Variants in SLC44A5 observed in about 807,000 individuals in gnomAD.
SLC44A5 encodes solute carrier family 44 member 5, also known as choline transporter-like protein 5.
SLC44A5 carries 57 observed loss-of-function variants against 101.8 expected under a neutral mutation model. That is an observed-to-expected ratio of 0.56 (90% confidence interval 0.45 to 0.70). SLC44A5 has a LOEUF of 0.70. Ranked by LOEUF, SLC44A5 falls within the 30% of genes least tolerant of loss-of-function variation. The pLI, the probability that SLC44A5 is intolerant of heterozygous loss-of-function variation, is 0.00. For missense variants in SLC44A5, 737 were observed against 853.1 expected, an observed-to-expected ratio of 0.86 and a Z score of 1.70; for synonymous variants, 281 against 290.9, an observed-to-expected ratio of 0.97 and a Z score of 0.35.
At chr1:75,613,908 A>C (rs1675759355), upstream of SLC44A5, among the ~76,000 whole-genome samples, 1 of 152,206 alleles carries the variant, frequency 6.6e-6, no homozygotes, top group Non-Finnish European at 1.5e-5. Flanking sequence ...TCATTTCATC[A>C]ATCTAATTGT....
intron 4 of SLC44A5, among the ~76,000 whole-genome samples, chr1:75,310,617 G>A (rs576499739): frequency 4.6e-5 from 7 of 152,302 alleles, no homozygotes; most frequent in Non-Finnish European, 1.0e-4. Flanking sequence ...AGCTACTACT[G>A]AGATTTATTT....
intron 4 of SLC44A5, among the ~76,000 whole-genome samples, chr1:75,333,554 A>C (rs1261183643): frequency 6.6e-6 from 1 of 152,060 alleles, no homozygotes; most frequent in Non-Finnish European, 1.5e-5. Flanking sequence ...CTTTAAATCA[A>C]GAGATTTTTT....
At chr1:75,320,286 A>C (rs997045956) in intron 4 of SLC44A5, among the ~76,000 whole-genome samples, 1 of 152,114 alleles carries the variant, frequency 6.6e-6, no homozygotes, top group Non-Finnish European at 1.5e-5. Flanking sequence ...CCATAAAAGC[A>C]ATCAAAGAAA....
At chr1:75,399,712 A>T (rs1662352966) in intron 2 of SLC44A5, among the ~76,000 whole-genome samples, 2 of 152,248 alleles carry the variant, frequency 1.3e-5, no homozygotes, top group African/African-American at 4.8e-5. Context: ...ATTGTAAAAA[A>T]ATTGTATATC....
chr1:75,480,273 A>G (rs1275991175), intron 2 of SLC44A5, among the ~76,000 whole-genome samples: 1 of 152,212 alleles, frequency 6.6e-6, no homozygotes, highest in Non-Finnish European at 1.5e-5. Context: ...AGAGCTATCT[A>G]TGACAAACCC....
intron 2 of SLC44A5, among the ~76,000 whole-genome samples, chr1:75,535,732 C>CA (rs1345030523): frequency 1.3e-5 from 2 of 152,100 alleles, no homozygotes; most frequent in African/African-American, 4.8e-5. Context: ...CTAGTCATTA[C>CA]AAAAAATCAG....
chr1:75,274,808 G>A, intron 6 of SLC44A5, 150 bp downstream of exon 6: 1 of 628,388 alleles, frequency 1.6e-6, no homozygotes, highest in Non-Finnish European at 2.8e-6. Flanking sequence ...CTTCCCAACT[G>A]CTTATAGCTA....
Position 75,476,092 on chromosome 1 carries a change from A to C in SLC44A5, c.13+65343T>G, listed in dbSNP as rs571106425. Reference sequence around the variant, plus strand: ...CAACTACTCAGGAGGCTGAGGCATGAGAATCGCTTGAACCCGGGAGGCAGA... The same window carrying C: ...CAACTACTCAGGAGGCTGAGGCATGCGAATCGCTTGAACCCGGGAGGCAGA... On this transcript the variant is annotated intron_variant, in intron 2 of 23. Coordinates refer to ENST00000370859, the MANE Select transcript of SLC44A5 (RefSeq NM_001130058.2). 1.1e-3 allele frequency among the ~76,000 whole-genome samples: 168 copies of C among 152,288 alleles called. 1 individual carries two copies. The highest frequency in any genetic ancestry group is 3.8e-3 in the African/African-American group (156 of 41,574).
At chr1:75,246,485 T>A (rs1649115377) in intron 7 of SLC44A5, among the ~76,000 whole-genome samples, 1 of 152,074 alleles carries the variant, frequency 6.6e-6, no homozygotes, top group Non-Finnish European at 1.5e-5. Context: ...GAAATAGTAG[T>A]GAACAACACA....
At chr1:75,467,804 C>T (rs1666904021) in intron 2 of SLC44A5, among the ~76,000 whole-genome samples, 1 of 152,054 alleles carries the variant, frequency 6.6e-6, no homozygotes, top group Non-Finnish European at 1.5e-5. Flanking sequence ...CCCACAAGTG[C>T]AGGCAATCAA....
chr1:75,601,186 G>A (rs980740141), intron 1 of SLC44A5, among the ~76,000 whole-genome samples: 1 of 152,128 alleles, frequency 6.6e-6, no homozygotes, highest in African/African-American at 2.4e-5. Context: ...ACAGTGATCA[G>A]CACAAGAAAT....
At chr1:75,626,798 C>T in the SLC44A5 span, among the ~76,000 whole-genome samples, 2 of 152,102 alleles carry the variant, frequency 1.3e-5, no homozygotes, top group African/African-American at 4.8e-5. Flanking sequence ...CACATTGATG[C>T]CTTGGTTATC....
intron 23 of SLC44A5, chr1:75,206,291 C>T: frequency 4.5e-6 from 1 of 221,620 alleles, no homozygotes; most frequent in Non-Finnish European, 8.8e-6. Flanking sequence ...CAAATATACA[C>T]TTATAAAAAG....
At chr1:75,442,541 CCACCCTTGATATCTTCTTCAGGAAGAAT>C (rs1665269961) in intron 2 of SLC44A5, among the ~76,000 whole-genome samples, 1 of 152,104 alleles carries the variant, frequency 6.6e-6, no homozygotes, top group African/African-American at 2.4e-5. Flanking sequence ...GCCTCATTCT[CCACCCTTGATATCTTCTTCAGGAAGAAT>C]ACTTTCAAGT....
chr1:75,414,558 G>T (rs1292204036), intron 2 of SLC44A5, among the ~76,000 whole-genome samples: 1 of 152,166 alleles, frequency 6.6e-6, no homozygotes, highest in Non-Finnish European at 1.5e-5. Flanking sequence ...ACAGTAAATT[G>T]TTGAATTAAA....
intron 4 of SLC44A5, among the ~76,000 whole-genome samples, chr1:75,319,081 T>C (rs930070649): frequency 6.6e-6 from 1 of 152,186 alleles, no homozygotes; most frequent in African/African-American, 2.4e-5. Context: ...AATAAAAATC[T>C]AGCTATGCTG....
intron 1 of SLC44A5, chr1:75,582,073 G>A (rs997966144): frequency 1.4e-6 from 1 of 702,874 alleles, no homozygotes; most frequent in Non-Finnish European, 2.6e-6. Context: ...GGCGCTTCAG[G>A]AGCCACGGGT....
chr1:75,519,553 G>A (rs528522074), intron 2 of SLC44A5, among the ~76,000 whole-genome samples: 304 of 150,482 alleles, frequency 2.0e-3, no homozygotes, highest in African/African-American at 6.5e-3. Flanking sequence ...GCTAGACTCC[G>A]TCTCAAAAAA....
chr1:75,453,459 C>T (rs1666014299), intron 2 of SLC44A5, among the ~76,000 whole-genome samples: 1 of 152,032 alleles, frequency 6.6e-6, no homozygotes. Context: ...AATAATCTAA[C>T]ATCACATCTA....
Sources: allele counts gnomAD v4.1 joint callset (sites outside exome capture counted in the v4.1 genomes callset), GRCh38; gene constraint gnomAD v4.1.1; transcripts MANE v1.5; gene names NCBI Gene and HGNC (gene_info 2026-07-23, HGNC 2026-07-21).